MLF1: variants seen among roughly 807,000 people sequenced by gnomAD.
MLF1 encodes the protein myeloid leukemia factor 1.
A neutral mutation model predicts 38.3 loss-of-function variants in MLF1; 37 were observed. The ratio of observed to expected loss-of-function variants is 0.96; its 90% confidence interval spans 0.74 to 1.27. The LOEUF (loss-of-function observed/expected upper bound fraction) is 1.27, where lower values mean the gene tolerates loss of function less well. Among genes scored for constraint, MLF1 ranks in the 50% most tolerant of loss-of-function variants. MLF1 has a pLI of 0.00. For synonymous variants in MLF1, 95 were observed against 106.5 expected (o/e 0.89, Z 0.66); for missense variants, 331 against 349.2 (o/e 0.95, Z 0.42).
chr3:158,588,059 C>T (rs1176576783), intron 1 of MLF1, among the ~76,000 whole-genome samples: 3 of 152,156 alleles, frequency 2.0e-5, no homozygotes, highest in Non-Finnish European at 4.4e-5. Flanking sequence ...TGTTCTCTCA[C>T]ACATGATGGC....
chr3:158,580,209 G>A (rs1716114541), intron 1 of MLF1, among the ~76,000 whole-genome samples: 1 of 151,790 alleles, frequency 6.6e-6, no homozygotes, highest in Non-Finnish European at 1.5e-5. Flanking sequence ...TAGGTGATGG[G>A]TTGATACGTG....
intron 1 of MLF1, among the ~76,000 whole-genome samples, chr3:158,584,217 GC>G (rs1716854004): frequency 6.6e-6 from 1 of 152,196 alleles, no homozygotes; most frequent in African/African-American, 2.4e-5. Context: ...AGAAGAGTGA[GC>G]ACCAAATACT....
At chr3:158,594,039 G>T (rs773742096) in intron 3 of MLF1, among the ~76,000 whole-genome samples, 1 of 151,106 alleles carries the variant, frequency 6.6e-6, no homozygotes, top group Non-Finnish European at 1.5e-5. Context: ...CATGAAAACG[G>T]TTTTTTTTTA....
rs531087266 is a variant in MLF1 at position 158,594,040 on chromosome 3, T to G, written c.240+614T>G. 3.7e-5 allele frequency among the ~76,000 whole-genome samples: 5 copies of G among 135,588 alleles called. No homozygotes were observed. The South Asian group carries it at 6.3e-4, about 17-fold the overall frequency. The allele number at this position is 135,588 out of a possible 152,430, so 89.0% of individuals were successfully genotyped here. A position where few individuals can be genotyped will look rare whatever the true frequency, so the allele number is the denominator to read the frequency against. On this transcript the variant is annotated intron_variant, in intron 3 of 7. Transcript: ENST00000466246. ...TGTATCTACAGTCTCATGAAAACGG[T>G]TTTTTTTTAATTATTTTGTGCTACA...
intron 1 of MLF1, chr3:158,582,763 A>C (rs572716719): frequency 3.5e-6 from 2 of 567,956 alleles, no homozygotes; most frequent in Non-Finnish European, 6.1e-6. Flanking sequence ...TTTAAAAGTC[A>C]AGAAGAAATA....
At chr3:158,578,294 T>TATG (rs1715778601) in intron 1 of MLF1, among the ~76,000 whole-genome samples, 1 of 152,146 alleles carries the variant, frequency 6.6e-6, no homozygotes, top group Admixed American at 6.5e-5. Context: ...CTGAGAACCT[T>TATG]ATGTAATAGG....
At chr3:158,588,600 C>CAAAAAAAA (rs67267045) in intron 1 of MLF1, among the ~76,000 whole-genome samples, 1 of 51,274 alleles carries the variant, frequency 2.0e-5, no homozygotes, top group Non-Finnish European at 3.8e-5. Context: ...GACTCCGTCT[C>CAAAAAAAA]AAAAAAAAAA....
chr3:158,599,799 G>A (rs1402272561), intron 5 of MLF1, among the ~76,000 whole-genome samples: 1 of 152,062 alleles, frequency 6.6e-6, no homozygotes, highest in Non-Finnish European at 1.5e-5. Context: ...AGGTTAAATT[G>A]TATGGGTTCT....
rs1720386565 is a variant in MLF1 at position 158,605,359 on chromosome 3, T to A, written c.*157T>A. 4.3e-6 allele frequency: 2 copies of A among 468,232 alleles called. No individual in the cohort carries two copies. Among genetic ancestry groups the A allele is most frequent in the South Asian group, 1.2e-4 (2 of 16,062 alleles). 29.0% of individuals were successfully genotyped at this position (468,232 alleles called of 1,614,324 possible). A position where few individuals can be genotyped will look rare whatever the true frequency, so the allele number is the denominator to read the frequency against. ...TGTTCATGAAGGTCCTAGCTTTATA[T>A]TGTCCCTCTTTTAGGAATAAAATTT... On this transcript the variant is annotated 3_prime_UTR_variant, in exon 8 of 8. Coordinates refer to ENST00000466246, the MANE Select transcript of MLF1 (RefSeq NM_001369783.1).
chr3:158,579,732 C>T (rs1163752081), intron 1 of MLF1, among the ~76,000 whole-genome samples: 1 of 152,072 alleles, frequency 6.6e-6, no homozygotes, highest in African/African-American at 2.4e-5. Flanking sequence ...ATTCAAAGAA[C>T]AAATTTAGTA....
At chr3:158,586,095 C>T (rs28657028) in intron 1 of MLF1, among the ~76,000 whole-genome samples, 4,829 of 150,810 alleles carry the variant, frequency 0.032, 242 homozygotes, top group African/African-American at 0.11. Context: ...ACCCAGGAGG[C>T]GGAGGTTGCA....
intron 1 of MLF1, among the ~76,000 whole-genome samples, chr3:158,575,147 G>T (rs181965036): frequency 1.3e-5 from 2 of 152,254 alleles, no homozygotes; most frequent in African/African-American, 4.8e-5. Context: ...AGGACCATCA[G>T]TTACTCTTTC....
At chr3:158,597,021 CTTTTT>C in intron 4 of MLF1, 76 bp downstream of exon 4, 1 of 871,490 alleles carries the variant, frequency 1.1e-6, no homozygotes, top group Non-Finnish European at 1.8e-6. Flanking sequence ...CTTTCAAACA[CTTTTT>C]TAACCATAGT....
intron 1 of MLF1, among the ~76,000 whole-genome samples, chr3:158,580,328 A>G (rs1716142740): frequency 6.6e-6 from 1 of 152,118 alleles, no homozygotes; most frequent in Non-Finnish European, 1.5e-5. Context: ...GTGGAAAAAA[A>G]AAGTAGAGTG....
intron 1 of MLF1, chr3:158,590,648 C>T: frequency 2.6e-6 from 1 of 380,344 alleles, no homozygotes; most frequent in Admixed American, 3.7e-5. Context: ...AGATGACATA[C>T]TATGTGATTC....
chr3:158,588,600 C>CAAAAA (rs67267045), intron 1 of MLF1, among the ~76,000 whole-genome samples: 1 of 51,268 alleles, frequency 2.0e-5, no homozygotes, highest in Non-Finnish European at 3.8e-5. Context: ...GACTCCGTCT[C>CAAAAA]AAAAAAAAAA....
At chr3:158,592,713 A>G (rs1718336623) in intron 2 of MLF1, 132 bp downstream of exon 2, 3 of 728,844 alleles carry the variant, frequency 4.1e-6, no homozygotes, top group Non-Finnish European at 6.1e-6. Flanking sequence ...ATTATATAAA[A>G]GGGGGGACCT....
intron 1 of MLF1, chr3:158,590,675 GAGA>G: frequency 2.5e-6 from 1 of 407,064 alleles, no homozygotes; most frequent in Non-Finnish European, 4.8e-6. Context: ...ATGAAATCTG[GAGA>G]AGACCAAACT....
intron 1 of MLF1, among the ~76,000 whole-genome samples, chr3:158,580,706 A>G (rs1029861630): frequency 6.6e-6 from 1 of 151,794 alleles, no homozygotes; most frequent in Non-Finnish European, 1.5e-5. Context: ...CTGTAATCCC[A>G]GCACTTTGGG....
Sources: allele counts gnomAD v4.1 joint callset (sites outside exome capture counted in the v4.1 genomes callset), GRCh38; gene constraint gnomAD v4.1.1; transcripts MANE v1.5; gene names NCBI Gene and HGNC (gene_info 2026-07-23, HGNC 2026-07-21).